PXDNL: variants seen among roughly 807,000 people sequenced by gnomAD.
PXDNL encodes probable oxidoreductase PXDNL.
A neutral mutation model predicts 150.8 loss-of-function variants in PXDNL; 145 were observed. That is an observed-to-expected ratio of 0.96 (90% CI 0.84 to 1.10). PXDNL has a LOEUF of 1.10. Among genes scored for constraint, PXDNL ranks in the 50% least tolerant of loss-of-function variants. The pLI is 0.00. For synonymous variants in PXDNL, 757 were observed against 725.7 expected (o/e 1.04, Z -0.69); for missense variants, 2,087 against 1,873.9 (o/e 1.11, Z -2.10).
chr8:51,789,272 G>GAT (rs2037489157), intron 1 of PXDNL, among the ~76,000 whole-genome samples: 1 of 150,600 alleles, frequency 6.6e-6, no homozygotes, highest in East Asian at 2.0e-4. Context: ...ATCCTTGATT[G>GAT]ATATATATAA....
intron 3 of PXDNL, among the ~76,000 whole-genome samples, chr8:51,570,322 A>C (rs1812907688): frequency 6.6e-6 from 1 of 151,924 alleles, no homozygotes; most frequent in Non-Finnish European, 1.5e-5. Flanking sequence ...GGAGAGATGC[A>C]GATGAACTAG....
intron 1 of PXDNL, among the ~76,000 whole-genome samples, chr8:51,684,841 C>G (rs182239416): frequency 6.6e-6 from 1 of 152,300 alleles, no homozygotes; most frequent in East Asian, 1.9e-4. Context: ...AGCCAGGAAA[C>G]AGGACCTCAG....
At chr8:51,401,166 G>T (rs1808238347) in intron 17 of PXDNL, among the ~76,000 whole-genome samples, 1 of 152,170 alleles carries the variant, frequency 6.6e-6, no homozygotes, top group African/African-American at 2.4e-5. Flanking sequence ...CAATGAAAAT[G>T]ACCAGGGGTA....
chr8:51,732,976 T>C (rs1585708591), intron 1 of PXDNL, among the ~76,000 whole-genome samples: 1 of 152,154 alleles, frequency 6.6e-6, no homozygotes, highest in East Asian at 1.9e-4. Flanking sequence ...GTTTCAACAA[T>C]CTGTTCTTTT....
At chr8:51,464,351 G>A (rs1810154924) in intron 8 of PXDNL, among the ~76,000 whole-genome samples, 1 of 796 alleles carries the variant, frequency 1.3e-3, no homozygotes, top group Non-Finnish European at 7.5e-3. Context: ...GTGACAGAGT[G>A]AGACCCCATC....
intron 17 of PXDNL, among the ~76,000 whole-genome samples, chr8:51,397,762 T>A (rs527350418): frequency 3.9e-5 from 6 of 152,152 alleles, no homozygotes; most frequent in Non-Finnish European, 8.8e-5. Flanking sequence ...GGCCTTTTTT[T>A]TTATTATTAT....
chr8:51,585,432 G>C (rs1813301787), intron 3 of PXDNL, among the ~76,000 whole-genome samples: 1 of 152,054 alleles, frequency 6.6e-6, no homozygotes, highest in Non-Finnish European at 1.5e-5. Flanking sequence ...GAGCAGGCAG[G>C]TCAGCAAATG....
intron 6 of PXDNL, among the ~76,000 whole-genome samples, chr8:51,479,784 G>C (rs141391080): frequency 6.6e-6 from 1 of 152,102 alleles, no homozygotes; most frequent in Non-Finnish European, 1.5e-5. Context: ...TTAAGGTGAT[G>C]GTTACACTAA....
chr8:51,327,404 G>A (rs75957481), intron 21 of PXDNL, among the ~76,000 whole-genome samples: 4,824 of 152,276 alleles, frequency 0.032, 243 homozygotes, highest in African/African-American at 0.11. Context: ...ACTGGGAGCT[G>A]TACGGAAACA....
At chr8:51,527,158 T>C (rs1437514802) in intron 4 of PXDNL, among the ~76,000 whole-genome samples, 1 of 152,198 alleles carries the variant, frequency 6.6e-6, no homozygotes, top group Non-Finnish European at 1.5e-5. Flanking sequence ...CTTCCCAAAA[T>C]GAAAGTCTGT....
intron 1 of PXDNL, among the ~76,000 whole-genome samples, chr8:51,716,614 G>A (rs1816620938): frequency 6.6e-6 from 1 of 152,184 alleles, no homozygotes; most frequent in African/African-American, 2.4e-5. Context: ...TAGTGTAAGA[G>A]CTCCAAACGT....
At chr8:51,521,825 C>T (rs1445626488) in intron 4 of PXDNL, among the ~76,000 whole-genome samples, 2 of 152,078 alleles carry the variant, frequency 1.3e-5, no homozygotes, top group Non-Finnish European at 2.9e-5. Flanking sequence ...CACTGAACTT[C>T]TCATTAGAAA....
At chr8:51,425,591 T>A (rs1408183786) in intron 13 of PXDNL, among the ~76,000 whole-genome samples, 1 of 151,948 alleles carries the variant, frequency 6.6e-6, no homozygotes, top group Non-Finnish European at 1.5e-5. Flanking sequence ...CCCAGCACGT[T>A]GGGAGGCCGA....
intron 1 of PXDNL, among the ~76,000 whole-genome samples, chr8:51,800,585 G>A (rs530786785): frequency 3.6e-4 from 55 of 152,312 alleles, no homozygotes; most frequent in Admixed American, 7.2e-4. Flanking sequence ...GACCCTGAAC[G>A]GAGGGACCAG....
At chr8:51,619,270 T>C (rs950926490) in intron 2 of PXDNL, among the ~76,000 whole-genome samples, 2 of 152,226 alleles carry the variant, frequency 1.3e-5, no homozygotes, top group African/African-American at 4.8e-5. Flanking sequence ...CAGCCTTCCC[T>C]GCCTTTCTGT....
At chr8:51,674,119 T>A (rs913654680) in intron 1 of PXDNL, among the ~76,000 whole-genome samples, 1 of 152,348 alleles carries the variant, frequency 6.6e-6, no homozygotes, top group Non-Finnish European at 1.5e-5. Context: ...CTGAATTACA[T>A]ACATTTTTCT....
At position 51,496,468 on chromosome 8, in the gene PXDNL, C is replaced by T. The variant is rs558805357; in HGVS notation, c.452+3231G>A. ...GAGAAGGAAATAAAGGGTATTCAAT[C>T]AGGAAAAGAGGAAGTCAAATTGTCC... On this transcript the variant is annotated intron_variant, in intron 5 of 22. Transcript: ENST00000356297. 9.9e-5 allele frequency among the ~76,000 whole-genome samples: 15 copies of T among 152,216 alleles called. No homozygotes were observed. In the South Asian group the frequency reaches 2.1e-3, roughly 21 times the overall value.
At chr8:51,607,770 G>A (rs1352108422) in intron 2 of PXDNL, among the ~76,000 whole-genome samples, 8 of 146,376 alleles carry the variant, frequency 5.5e-5, no homozygotes, top group Non-Finnish European at 1.0e-4. Flanking sequence ...AGCCCAGGAA[G>A]CAGAGGCTGC....
chr8:51,411,188 T>C (rs1808629622), intron 16 of PXDNL, 62 bp downstream of exon 16: 1 of 1,299,250 alleles, frequency 7.7e-7, no homozygotes, highest in Non-Finnish European at 9.9e-7. Context: ...TGTCCTTTGC[T>C]AAGGTGGTGG....
Sources: allele counts gnomAD v4.1 joint callset (sites outside exome capture counted in the v4.1 genomes callset), GRCh38; gene constraint gnomAD v4.1.1; transcripts MANE v1.5; gene names NCBI Gene and HGNC (gene_info 2026-07-23, HGNC 2026-07-21).